The following CNNM1 variants were observed in gnomAD, a reference collection of about 807,000 sequenced individuals.
CNNM1 encodes the protein metal transporter CNNM1.
In CNNM1, 44 loss-of-function variants were observed where a neutral mutation model predicts 78.8. The observed-to-expected ratio is 0.56, with a 90% CI of 0.44 to 0.72. The LOEUF is 0.72. Among genes scored for constraint, CNNM1 ranks in the 30% least tolerant of loss-of-function variants. CNNM1 has a pLI of 0.00. For missense variants in CNNM1, 1,101 were observed against 1,292.2 expected (o/e 0.85, Z 2.27); for synonymous variants, 584 against 581.5 (o/e 1.00, Z -0.06).
At chr10:99,344,169 C>T (rs1435514411) in intron 1 of CNNM1, among the ~76,000 whole-genome samples, 3 of 151,030 alleles carry the variant, frequency 2.0e-5, no homozygotes, top group Non-Finnish European at 3.0e-5. Flanking sequence ...CCCGTCTCTA[C>T]AAAAATATAA....
chr10:99,343,790 C>T (rs981699099), intron 1 of CNNM1, among the ~76,000 whole-genome samples: 3 of 152,078 alleles, frequency 2.0e-5, no homozygotes, highest in African/African-American at 7.2e-5. Flanking sequence ...TCTCGGCTCA[C>T]TGCAAACTCT....
At chr10:99,375,421 C>A (rs1028253961) in intron 6 of CNNM1, among the ~76,000 whole-genome samples, 2 of 151,972 alleles carry the variant, frequency 1.3e-5, no homozygotes, top group Non-Finnish European at 2.9e-5. Flanking sequence ...GCTGAGGGAG[C>A]GGCAGGAGTC....
chr10:99,368,736 C>T, intron 6 of CNNM1: 1 of 1,213,892 alleles, frequency 8.2e-7, no homozygotes, highest in Non-Finnish European at 1.1e-6. Flanking sequence ...TTGCAAGAAG[C>T]CTTTGGCCTC....
In CNNM1 at chr10:99,391,600, A is replaced by G; in HGVS notation, c.*84A>G. 1.2e-5 allele frequency: 14 copies of G among 1,146,160 alleles called. No homozygotes were observed. Among genetic ancestry groups the G allele is most frequent in the South Asian group, 2.7e-5 (2 of 74,224 alleles). 71.0% of individuals were successfully genotyped at this position (1,146,160 alleles called of 1,614,324 possible). On this transcript the variant is annotated 3_prime_UTR_variant, in exon 11 of 11. Coordinates refer to ENST00000356713, the MANE Select transcript of CNNM1 (RefSeq NM_020348.3). ...ACCCTCCCATCATCTGCTTCCCCCA[A>G]GGCCTCCCACAGGTGACAGAATGTT...
At chr10:99,348,839 C>T (rs2030817015) in intron 1 of CNNM1, among the ~76,000 whole-genome samples, 1 of 152,156 alleles carries the variant, frequency 6.6e-6, no homozygotes, top group Non-Finnish European at 1.5e-5. Context: ...ATTGCTTGAA[C>T]TCAGGAGTTT....
At chr10:99,379,667 A>G (rs1257304624) in intron 7 of CNNM1, among the ~76,000 whole-genome samples, 3 of 142,426 alleles carry the variant, frequency 2.1e-5, no homozygotes, top group Non-Finnish European at 3.0e-5. Context: ...TTGTAGAGAC[A>G]GGATTCTCAC....
chr10:99,364,864 G>A, intron 5 of CNNM1, 91 bp from the exon 6 acceptor site: 1 of 1,218,368 alleles, frequency 8.2e-7, no homozygotes, highest in Non-Finnish European at 1.2e-6. Flanking sequence ...AGGGTTAATT[G>A]GTGCTGGGGG....
chr10:99,334,085 C>G (rs986428227), intron 1 of CNNM1, among the ~76,000 whole-genome samples: 8 of 152,226 alleles, frequency 5.3e-5, no homozygotes, highest in Non-Finnish European at 8.8e-5. Flanking sequence ...TTTTATGCCT[C>G]ACCCTAAATC....
intron 6 of CNNM1, among the ~76,000 whole-genome samples, chr10:99,366,485 A>G (rs1444355779): frequency 1.3e-5 from 2 of 152,046 alleles, no homozygotes; most frequent in African/African-American, 2.4e-5. Flanking sequence ...TAAAAAAAAA[A>G]AAAAAGAAAT....
chr10:99,371,084 A>C (rs2031787338), intron 6 of CNNM1, among the ~76,000 whole-genome samples: 1 of 152,160 alleles, frequency 6.6e-6, no homozygotes, highest in Admixed American at 6.5e-5. Flanking sequence ...TGTACCTCTG[A>C]ATATAGACAT....
chr10:99,374,017 A>T (rs1352955242), intron 6 of CNNM1, among the ~76,000 whole-genome samples: 2 of 152,228 alleles, frequency 1.3e-5, no homozygotes, highest in Non-Finnish European at 2.9e-5. Flanking sequence ...TATTGTGAAT[A>T]GTGCTGCAAG....
intron 1 of CNNM1, among the ~76,000 whole-genome samples, chr10:99,347,194 GA>G (rs35187872): frequency 0.17 from 24,573 of 148,118 alleles, 2,473 homozygotes; most frequent in African/African-American, 0.29. Flanking sequence ...AAAGTTAAAA[GA>G]AAAAAAAAAC....
intron 7 of CNNM1, among the ~76,000 whole-genome samples, chr10:99,380,225 A>G (rs1178633994): frequency 6.6e-6 from 1 of 152,086 alleles, no homozygotes; most frequent in South Asian, 2.1e-4. Flanking sequence ...ATACCACTAC[A>G]TTGGGGTTAG....
In CNNM1 at chr10:99,329,889, C is replaced by T. The variant is rs1448002825; in HGVS notation, c.502C>T (p.Arg168Cys). 7.2e-7 allele frequency: 1 copy of T among 1,393,362 alleles called. No homozygotes were observed. Among genetic ancestry groups the T allele is most frequent in the Non-Finnish European group, 9.2e-7 (1 of 1,081,480 alleles). 86.3% of individuals were successfully genotyped at this position (1,393,362 alleles called of 1,614,324 possible). A position where few individuals can be genotyped will look rare whatever the true frequency, so the allele number is the denominator to read the frequency against. Reference sequence around the variant, plus strand: ...GGTCCAGGTGCGAGTGCGGGAGCTGCGCAAGGGCGAAGCGGAGCGGGGCGG... The same window carrying T: ...GGTCCAGGTGCGAGTGCGGGAGCTGTGCAAGGGCGAAGCGGAGCGGGGCGG... ...ALVQVRVREL[R>C]KGEAERGGAG... Residue 168 changes from arginine to cysteine, a missense_variant, in exon 1 of 11, where the codon CGC becomes TGC. Coordinates refer to ENST00000356713, the MANE Select transcript of CNNM1 (RefSeq NM_020348.3).
At chr10:99,338,295 ATTT>A (rs34673859) in intron 1 of CNNM1, among the ~76,000 whole-genome samples, 89 of 138,810 alleles carry the variant, frequency 6.4e-4, no homozygotes, top group African/African-American at 1.1e-3. Context: ...ACTAGGTGGC[ATTT>A]TTTTTTTTTT....
At chr10:99,371,211 A>T (rs2031792107) in intron 6 of CNNM1, among the ~76,000 whole-genome samples, 1 of 152,230 alleles carries the variant, frequency 6.6e-6, no homozygotes, top group Non-Finnish European at 1.5e-5. Flanking sequence ...TGCCATCATT[A>T]TCCATAGGGA....
chr10:99,387,028 A>G (rs113695650), intron 7 of CNNM1, among the ~76,000 whole-genome samples: 4,998 of 152,296 alleles, frequency 0.033, 258 homozygotes, highest in African/African-American at 0.11. Flanking sequence ...TGGGTGGCAC[A>G]CAACCTAGTC....
rs2134091004 is a variant in CNNM1 at position 99,394,107 on chromosome 10, C to G, written c.*2591C>G. On this transcript the variant is annotated 3_prime_UTR_variant, in exon 11 of 11. Transcript: ENST00000356713. ...GTGCCTGCCTGGCTGGTCTTCATCACCTGAGGCCACCAGGCTCAAGCCACT... is the reference window on the plus strand; with the variant it reads ...GTGCCTGCCTGGCTGGTCTTCATCAGCTGAGGCCACCAGGCTCAAGCCACT... 1 of 152,616 alleles carries G rather than the reference C, an allele frequency of 6.6e-6. No individual in the cohort carries two copies. Among genetic ancestry groups the G allele is most frequent in the South Asian group, 2.1e-4 (1 of 4,812 alleles). 9.5% of individuals were successfully genotyped at this position (152,616 alleles called of 1,614,324 possible).
rs369220110 is a variant in CNNM1 at position 99,390,359 on chromosome 10, A to G, written c.2728A>G (p.Ser910Gly). 5 of 1,613,308 alleles carry G rather than the reference A, an allele frequency of 3.1e-6. No homozygotes were observed. The highest frequency in any genetic ancestry group is 3.4e-6 in the Non-Finnish European group (4 of 1,179,680). ...CCTGGATACAGAGACCAGCCCCTGC[A>G]GTAGCGATTTTGAGGAAAACGTGGG... is the stretch of plus-strand genomic sequence containing the variant. The part of the protein sequence containing the change: ...INLDTETSPC[S>G]SDFEENVGKK... The change falls in exon 10 of 11, where the codon AGT becomes GGT. Residue 910 changes from serine to glycine, a missense_variant. Physicochemically the swap from Ser to Gly is moderately conservative, Grantham distance 56 (BLOSUM62 0). This residue lies in a region of CNNM1 where 348 missense variants were observed against 384.5 expected (regional missense o/e 0.90). Transcript: ENST00000356713.
Sources: gnomAD v4.1 joint callset for allele counts (sites outside exome capture counted in the v4.1 genomes callset) on GRCh38, gnomAD v4.1.1 for gene constraint, gnomAD v4.1.1 regional missense constraint, MANE v1.5 for transcripts, NCBI Gene and HGNC (gene_info 2026-07-23, HGNC 2026-07-21) for gene names.